Variants in LSAMP observed in about 807,000 individuals in gnomAD.
LSAMP encodes the protein limbic system-associated membrane protein.
In LSAMP, 7 loss-of-function variants were observed where a neutral mutation model predicts 38.6. The ratio of observed to expected loss-of-function variants is 0.18; its 90% CI spans 0.10 to 0.34. LSAMP has a LOEUF of 0.34. Ranked by LOEUF, LSAMP falls within the 10% of genes least tolerant of loss-of-function variation. LSAMP has a pLI of 1.00. For missense variants in LSAMP, 313 were observed against 420.0 expected, an observed-to-expected ratio of 0.75 and a Z score of 2.23; for synonymous variants, 154 against 166.8, an observed-to-expected ratio of 0.92 and a Z score of 0.59.
chr3:116,069,094 T>TCCA (rs1707533476), intron 2 of LSAMP, among the ~76,000 whole-genome samples: 1 of 152,176 alleles, frequency 6.6e-6, no homozygotes, highest in East Asian at 1.9e-4. Context: ...TCAGTTTCTA[T>TCCA]TACACTTAGA....
intron 2 of LSAMP, among the ~76,000 whole-genome samples, chr3:116,064,623 T>C (rs541286572): frequency 6.6e-6 from 1 of 152,116 alleles, no homozygotes; most frequent in South Asian, 2.1e-4. Context: ...ACAGATACAA[T>C]TAAAATGAAA....
At position 116,257,704 on chromosome 3, in the gene LSAMP, C is replaced by T. The variant is rs116238929; in HGVS notation, c.156-171148G>A. ...TTTTCTGGTTGCTTGAATTTAAGCTCTATGACCTTCACGGAAATTTCTAGT... is the reference window on the plus strand; with the variant it reads ...TTTTCTGGTTGCTTGAATTTAAGCTTTATGACCTTCACGGAAATTTCTAGT... On this transcript the variant is annotated intron_variant, in intron 1 of 6. Transcript: ENST00000490035. 7.8e-3 allele frequency among the ~76,000 whole-genome samples: 1,188 copies of T among 152,156 alleles called. 15 individuals are homozygous for T. The highest frequency in any genetic ancestry group is 0.027 in the African/African-American group (1,108 of 41,514).
At chr3:116,406,942 T>C (rs959947481) in intron 1 of LSAMP, among the ~76,000 whole-genome samples, 1 of 151,902 alleles carries the variant, frequency 6.6e-6, no homozygotes, top group African/African-American at 2.4e-5. Context: ...GAATGGAAAA[T>C]AAAAAAGACA....
At chr3:116,314,441 A>C (rs1242196228) in intron 1 of LSAMP, among the ~76,000 whole-genome samples, 1 of 152,214 alleles carries the variant, frequency 6.6e-6, no homozygotes, top group African/African-American at 2.4e-5. Flanking sequence ...AGATTAATTA[A>C]AGGACAAACC....
intron 3 of LSAMP, among the ~76,000 whole-genome samples, chr3:115,867,082 A>G (rs1051243808): frequency 4.6e-5 from 7 of 152,118 alleles, no homozygotes; most frequent in African/African-American, 1.7e-4. Context: ...TGTTTGGGGT[A>G]GCTAGGAATT....
At chr3:116,114,966 G>A (rs908475536) in intron 1 of LSAMP, among the ~76,000 whole-genome samples, 2 of 152,198 alleles carry the variant, frequency 1.3e-5, no homozygotes, top group African/African-American at 2.4e-5. Flanking sequence ...ATTTGCAAAT[G>A]TAGATGCTTT....
intron 3 of LSAMP, among the ~76,000 whole-genome samples, chr3:115,960,591 T>G (rs966178156): frequency 5.3e-5 from 8 of 152,182 alleles, no homozygotes; most frequent in Admixed American, 2.6e-4. Context: ...CCGCCAGTGT[T>G]TCATCTGATG....
At chr3:115,993,730 G>A (rs1343587871) in intron 3 of LSAMP, among the ~76,000 whole-genome samples, 2 of 151,858 alleles carry the variant, frequency 1.3e-5, no homozygotes, top group African/African-American at 4.8e-5. Flanking sequence ...TAAAAAATGT[G>A]GTATCTGTAT....
At chr3:116,136,598 T>C (rs1709252594) in intron 1 of LSAMP, among the ~76,000 whole-genome samples, 1 of 152,142 alleles carries the variant, frequency 6.6e-6, no homozygotes, top group Non-Finnish European at 1.5e-5. Context: ...CAAAAGTTGC[T>C]TTAAAAATCC....
At chr3:116,340,332 T>C (rs1450052582) in intron 1 of LSAMP, among the ~76,000 whole-genome samples, 1 of 152,006 alleles carries the variant, frequency 6.6e-6, no homozygotes, top group Non-Finnish European at 1.5e-5. Flanking sequence ...TGCTGTTTTC[T>C]TTTTTTGTGT....
rs1001961744 is a variant in LSAMP at position 116,104,959 on chromosome 3, G to A, written c.156-18403C>T. ...CATACAGCCATGGCAGGAGCACAGC[G>A]GTGGAAGAGAACTATTGCTTTGGCA... is the stretch of plus-strand genomic sequence containing the variant. On this transcript the variant is annotated intron_variant, in intron 1 of 6. Transcript: ENST00000490035. 2.0e-5 allele frequency among the ~76,000 whole-genome samples: 3 copies of A among 152,264 alleles called. No homozygotes were observed. In the South Asian group the frequency reaches 6.2e-4, roughly 32 times the overall value.
At chr3:116,295,423 T>C (rs1349414499) in intron 1 of LSAMP, among the ~76,000 whole-genome samples, 1 of 152,202 alleles carries the variant, frequency 6.6e-6, no homozygotes, top group East Asian at 1.9e-4. Context: ...TTGCTAGCTA[T>C]AGGAATTTAT....
intron 1 of LSAMP, among the ~76,000 whole-genome samples, chr3:116,169,040 A>C (rs1710130398): frequency 6.6e-6 from 1 of 152,138 alleles, no homozygotes; most frequent in Non-Finnish European, 1.5e-5. Context: ...GTTTTCACAA[A>C]AAATTTAAAA....
chr3:116,438,299 T>C (rs2049384194), intron 1 of LSAMP, among the ~76,000 whole-genome samples: 1 of 152,196 alleles, frequency 6.6e-6, no homozygotes, highest in Non-Finnish European at 1.5e-5. Context: ...TTATAGTTTA[T>C]ACCATTATAG....
At position 116,352,924 on chromosome 3, in the gene LSAMP, C is replaced by T. The variant is rs1465334601; in HGVS notation, c.155+91953G>A. ...TTCCCTGTGTCATTGGTTGTCTGAA[C>T]AAAGAGATGTTTGCTTCTTTTTCTA... On this transcript the variant is annotated intron_variant, in intron 1 of 6. Transcript: ENST00000490035. 2.0e-5 allele frequency among the ~76,000 whole-genome samples: 3 copies of T among 152,040 alleles called. No homozygotes were observed. The East Asian group carries it at 5.8e-4, about 29-fold the overall frequency.
intron 3 of LSAMP, among the ~76,000 whole-genome samples, chr3:115,883,506 G>A (rs565615169): frequency 2.4e-4 from 36 of 151,910 alleles, no homozygotes; most frequent in Admixed American, 1.1e-3. Flanking sequence ...TGGAAAATAC[G>A]CAATAATCAC....
chr3:115,926,453 A>C (rs764768354), intron 3 of LSAMP, among the ~76,000 whole-genome samples: 1 of 152,220 alleles, frequency 6.6e-6, no homozygotes, highest in African/African-American at 2.4e-5. Context: ...GCTCACCAAT[A>C]AAGTGTCATG....
intron 1 of LSAMP, among the ~76,000 whole-genome samples, chr3:116,442,361 C>T (rs1330875523): frequency 8.5e-5 from 13 of 152,110 alleles, no homozygotes; most frequent in African/African-American, 2.4e-5. Context: ...TTCACTTTCT[C>T]GGTGCCAGAC....
At chr3:115,903,408 G>A (rs1028290402) in intron 3 of LSAMP, among the ~76,000 whole-genome samples, 7 of 152,072 alleles carry the variant, frequency 4.6e-5, no homozygotes, top group African/African-American at 1.7e-4. Context: ...ATAGCTGAGT[G>A]ATGAAGTAAT....
Sources: gnomAD v4.1 joint callset for allele counts (sites outside exome capture counted in the v4.1 genomes callset) on GRCh38, gnomAD v4.1.1 for gene constraint, MANE v1.5 for transcripts, NCBI Gene and HGNC (gene_info 2026-07-23, HGNC 2026-07-21) for gene names.